PPP1R12A: variants seen among roughly 807,000 people sequenced by gnomAD.
PPP1R12A encodes the protein protein phosphatase 1 regulatory subunit 12A.
In PPP1R12A, 19 loss-of-function variants were observed where a neutral mutation model predicts 139.6. That is an observed-to-expected ratio of 0.14 (90% CI 0.09 to 0.20). PPP1R12A has a LOEUF of 0.20. PPP1R12A is among the 10% of genes least tolerant of loss of function. The pLI is 1.00. For synonymous variants in PPP1R12A, 427 were observed against 420.6 expected (o/e 1.02, Z -0.19); for missense variants, 925 against 1,211.5 (o/e 0.76, Z 3.51).
At chr12:79,908,887 A>G (rs1446864635) in intron 1 of PPP1R12A, among the ~76,000 whole-genome samples, 1 of 152,222 alleles carries the variant, frequency 6.6e-6, no homozygotes, top group East Asian at 1.9e-4. Context: ...AACAGAACAC[A>G]TTAGCTGGCA....
At position 79,822,210 on chromosome 12, in the gene PPP1R12A, GGATGGT is replaced by G; in HGVS notation, c.793-26_793-21del. 1 of 1,511,424 alleles carries G rather than the reference GGATGGT, an allele frequency of 6.6e-7. No individual in the cohort carries two copies. The highest frequency in any genetic ancestry group is 9.1e-7 in the Non-Finnish European group (1 of 1,100,884). The allele number at this position is 1,511,424 out of a possible 1,614,324, so 93.6% of individuals were successfully genotyped here. A position where few individuals can be genotyped will look rare whatever the true frequency, so the allele number is the denominator to read the frequency against. ...TTGGCCCTACGTAGGAAACAAGGGGGGATGGTGATGGTCAAAAGTCAATAAATCATA... is the reference window on the plus strand; with the variant it reads ...TTGGCCCTACGTAGGAAACAAGGGGGGATGGTCAAAAGTCAATAAATCATA... On this transcript the variant is annotated intron_variant, in intron 5 of 24. Transcript: ENST00000450142.
At chr12:79,894,507 G>A (rs1445837553) in intron 1 of PPP1R12A, among the ~76,000 whole-genome samples, 1 of 151,926 alleles carries the variant, frequency 6.6e-6, no homozygotes, top group Non-Finnish European at 1.5e-5. Flanking sequence ...CACACACACA[G>A]GTACTAAGCT....
At chr12:79,840,157 G>A (rs536193582) in intron 3 of PPP1R12A, among the ~76,000 whole-genome samples, 3 of 152,162 alleles carry the variant, frequency 2.0e-5, no homozygotes, top group Non-Finnish European at 4.4e-5. Context: ...CTACCTGTAT[G>A]ATCTTGGGTA....
chr12:79,843,611 A>AATATAG (rs200027074), intron 3 of PPP1R12A, among the ~76,000 whole-genome samples: 15,037 of 134,818 alleles, frequency 0.11, 1,042 homozygotes, highest in Non-Finnish European at 0.14. Flanking sequence ...CTCAAAAAAA[A>AATATAG]ATATAGATAT....
intron 1 of PPP1R12A, among the ~76,000 whole-genome samples, chr12:79,909,863 C>T (rs535125028): frequency 1.2e-4 from 18 of 151,916 alleles, no homozygotes; most frequent in East Asian, 3.9e-4. Flanking sequence ...GCATCATATC[C>T]GGCTAATTTT....
At chr12:79,855,113 C>T (rs1315459924) in intron 2 of PPP1R12A, among the ~76,000 whole-genome samples, 1 of 151,974 alleles carries the variant, frequency 6.6e-6, no homozygotes, top group Admixed American at 6.6e-5. Flanking sequence ...TTCAGCCTCC[C>T]GAGTAGCTGG....
chr12:79,785,368 G>T (rs1870981341), intron 22 of PPP1R12A, among the ~76,000 whole-genome samples: 1 of 151,996 alleles, frequency 6.6e-6, no homozygotes, highest in African/African-American at 2.4e-5. Flanking sequence ...CACAACAATG[G>T]TTAAAAAAAG....
At chr12:79,891,070 G>T (rs1336750311) in intron 1 of PPP1R12A, among the ~76,000 whole-genome samples, 1 of 151,956 alleles carries the variant, frequency 6.6e-6, no homozygotes, top group Non-Finnish European at 1.5e-5. Flanking sequence ...TGGAAGGCAG[G>T]GGGGAACTAC....
At chr12:79,790,511 T>A (rs1385912634) in intron 19 of PPP1R12A, 28 bp from the exon 20 acceptor site, 3 of 1,366,752 alleles carry the variant, frequency 2.2e-6, no homozygotes, top group Non-Finnish European at 2.0e-6. Context: ...AACATAGGCA[T>A]ACTAAATTTT....
rs140140116 is a variant in PPP1R12A at position 79,781,993 on chromosome 12, A to T, written c.2908-131T>A. On this transcript the variant is annotated intron_variant, in intron 22 of 24. Transcript: ENST00000450142. ...TAAAACACAGGTTCGTGAGTAAAGC[A>T]AAGAGAAAACAGGATTTGTATTAAA... is the stretch of plus-strand genomic sequence containing the variant. 963 of 469,088 alleles carry T rather than the reference A, an allele frequency of 2.1e-3. 6 individuals carry two copies. Among genetic ancestry groups the T allele is most frequent in the African/African-American group, 0.018 (879 of 49,908 alleles). The allele number at this position is 469,088 out of a possible 1,614,324, so 29.1% of individuals were successfully genotyped here.
At chr12:79,838,686 C>T (rs1306108028) in intron 3 of PPP1R12A, among the ~76,000 whole-genome samples, 2 of 152,190 alleles carry the variant, frequency 1.3e-5, no homozygotes, top group Admixed American at 1.3e-4. Context: ...AAGCCCCAAG[C>T]CTTTGTGGCT....
In PPP1R12A at chr12:79,808,566, A is replaced by C; in HGVS notation, c.1467T>G (p.Ser489Arg). 1.2e-6 allele frequency: 2 copies of C among 1,601,152 alleles called. No homozygotes were observed. The highest frequency in any genetic ancestry group is 1.7e-6 in the Non-Finnish European group (2 of 1,170,148). ...SLDNKEKEKD[S>R]KGTRLAYVAP... The stretch of plus-strand genomic sequence containing the variant: ...CAACATATGCAAGCCTAGTTCCTTT[A>C]CTATCTTTCTCCTACACAACAGGGA... The change falls in exon 11 of 25, where the codon AGT (serine) becomes AGG (arginine). Residue 489 changes from serine to arginine, a missense_variant. By Grantham distance (110) the Ser-to-Arg change is moderately radical (BLOSUM62 -1). This residue lies in a region of PPP1R12A where 403 missense variants were observed against 463.7 expected (regional missense o/e 0.87). Coordinates refer to ENST00000450142, the MANE Select transcript of PPP1R12A (RefSeq NM_002480.3).
At chr12:79,865,158 T>C (rs979330539) in intron 2 of PPP1R12A, among the ~76,000 whole-genome samples, 2 of 152,176 alleles carry the variant, frequency 1.3e-5, no homozygotes, top group Non-Finnish European at 2.9e-5. Flanking sequence ...GCAAGGCTGG[T>C]TCAACATACG....
chr12:79,908,325 T>C (rs1886294070), intron 1 of PPP1R12A, among the ~76,000 whole-genome samples: 1 of 152,230 alleles, frequency 6.6e-6, no homozygotes, highest in Non-Finnish European at 1.5e-5. Flanking sequence ...ATAACTACCA[T>C]ACCTAAACTA....
chr12:79,930,904 G>C (rs959038654), intron 1 of PPP1R12A, among the ~76,000 whole-genome samples: 15 of 152,192 alleles, frequency 9.9e-5, no homozygotes, highest in African/African-American at 3.6e-4. Flanking sequence ...ATTATGCATA[G>C]ACAAGGGGAA....
intron 20 of PPP1R12A, chr12:79,789,773 T>C: frequency 3.0e-6 from 1 of 337,758 alleles, no homozygotes; most frequent in Non-Finnish European, 5.6e-6. Context: ...TTGAATTAGG[T>C]GACACTTTTT....
At chr12:79,897,240 A>G (rs1178417177) in intron 1 of PPP1R12A, among the ~76,000 whole-genome samples, 3 of 152,252 alleles carry the variant, frequency 2.0e-5, no homozygotes, top group Admixed American at 6.5e-5. Flanking sequence ...CTTCTGCAGT[A>G]ACATGGATGC....
At chr12:79,892,334 CA>C (rs1355676257) in intron 1 of PPP1R12A, among the ~76,000 whole-genome samples, 1 of 151,936 alleles carries the variant, frequency 6.6e-6, no homozygotes, top group East Asian at 1.9e-4. Context: ...ACTTGAGAAC[CA>C]AAAAATAATA....
chr12:79,916,739 C>T (rs1356538574), intron 1 of PPP1R12A, among the ~76,000 whole-genome samples: 1 of 152,072 alleles, frequency 6.6e-6, no homozygotes, highest in African/African-American at 2.4e-5. Context: ...AGAGAAAAGG[C>T]AAGTATAATA....
Sources: gnomAD v4.1 joint callset for allele counts (sites outside exome capture counted in the v4.1 genomes callset) on GRCh38, gnomAD v4.1.1 for gene constraint, gnomAD v4.1.1 regional missense constraint, MANE v1.5 for transcripts, NCBI Gene and HGNC (gene_info 2026-07-23, HGNC 2026-07-21) for gene names.